Variants in PDHX observed in about 807,000 individuals in gnomAD.
The protein encoded by PDHX is pyruvate dehydrogenase complex component X.
Under a neutral mutation model 55.3 loss-of-function variants are expected in PDHX, and 33 were observed. The ratio of observed to expected loss-of-function variants is 0.60; its 90% CI spans 0.45 to 0.80. The LOEUF is 0.80. PDHX is among the 30% of genes least tolerant of loss of function. The pLI is 0.00. For missense variants in PDHX, 622 were observed against 619.9 expected (o/e 1.00, Z -0.04); for synonymous variants, 226 against 219.4 (o/e 1.03, Z -0.27).
chr11:34,918,629 A>G (rs971422587), intron 1 of PDHX, among the ~76,000 whole-genome samples: 2 of 152,156 alleles, frequency 1.3e-5, no homozygotes, highest in Non-Finnish European at 2.9e-5. Context: ...CATCTCAAGG[A>G]AAGCCAAATT....
chr11:34,969,280 G>T (rs1855202285), intron 6 of PDHX, among the ~76,000 whole-genome samples: 1 of 152,000 alleles, frequency 6.6e-6, no homozygotes, highest in Non-Finnish European at 1.5e-5. Flanking sequence ...ATAAGTCAAA[G>T]GGCAACTATA....
At chr11:34,919,125 G>A (rs1013114814) in intron 1 of PDHX, among the ~76,000 whole-genome samples, 1 of 152,182 alleles carries the variant, frequency 6.6e-6, no homozygotes, top group African/African-American at 2.4e-5. Flanking sequence ...TGAAGCTGTG[G>A]AAAGTATTTG....
intron 3 of PDHX, among the ~76,000 whole-genome samples, chr11:34,952,626 G>T (rs1854801920): frequency 6.6e-6 from 1 of 151,866 alleles, no homozygotes; most frequent in African/African-American, 2.4e-5. Context: ...AAAGGCCTTT[G>T]ACAAAATTCA....
chr11:34,924,331 T>C (rs935026821), intron 1 of PDHX, among the ~76,000 whole-genome samples: 2 of 152,174 alleles, frequency 1.3e-5, no homozygotes, highest in African/African-American at 4.8e-5. Context: ...AACCTCTGCC[T>C]CCCGGTTTCA....
intron 7 of PDHX, among the ~76,000 whole-genome samples, chr11:34,973,113 G>A (rs1439184272): frequency 6.6e-6 from 1 of 152,034 alleles, no homozygotes; most frequent in Admixed American, 6.6e-5. Flanking sequence ...GTATCCTGAA[G>A]ATCTATTATT....
intron 9 of PDHX, among the ~76,000 whole-genome samples, chr11:34,987,340 C>T (rs571939220): frequency 6.6e-6 from 1 of 152,250 alleles, no homozygotes; most frequent in East Asian, 1.9e-4. Flanking sequence ...GCATAACAAC[C>T]TGATGAATAT....
intron 2 of PDHX, among the ~76,000 whole-genome samples, chr11:34,939,801 G>T (rs1854430223): frequency 6.6e-6 from 1 of 152,012 alleles, no homozygotes; most frequent in South Asian, 2.1e-4. Context: ...GACTATTAGA[G>T]TACTTCATTT....
At chr11:34,969,714 T>C (rs996722565) in intron 6 of PDHX, among the ~76,000 whole-genome samples, 9 of 152,050 alleles carry the variant, frequency 5.9e-5, no homozygotes, top group Non-Finnish European at 1.0e-4. Context: ...ATGTCTGTCT[T>C]CTCTCTCCTC....
chr11:34,922,824 T>C (rs2915200), intron 1 of PDHX, among the ~76,000 whole-genome samples: 90,027 of 151,330 alleles, frequency 0.59, 27,962 homozygotes, highest in East Asian at 0.74. Context: ...TGAGCTTAAT[T>C]TGCCTTTTAC....
chr11:34,974,049 C>T (rs1419479127), intron 7 of PDHX, among the ~76,000 whole-genome samples: 1 of 152,076 alleles, frequency 6.6e-6, no homozygotes, highest in Non-Finnish European at 1.5e-5. Context: ...TGAGTCTTAC[C>T]ATTTTCCGTG....
intron 4 of PDHX, 111 bp from the exon 5 acceptor site, chr11:34,960,309 C>A: frequency 1.4e-6 from 1 of 727,792 alleles, no homozygotes; most frequent in South Asian, 1.6e-5. Flanking sequence ...GTCATTTTAG[C>A]TTTATTATAA....
chr11:34,929,781 CTTTGG>C (rs943152989), intron 1 of PDHX, among the ~76,000 whole-genome samples: 6 of 152,136 alleles, frequency 3.9e-5, no homozygotes, highest in Non-Finnish European at 8.8e-5. Context: ...TTGACTTGGA[CTTTGG>C]TTTGGGCTGT....
chr11:34,921,257 T>G (rs1225303696), intron 1 of PDHX, among the ~76,000 whole-genome samples: 1 of 152,220 alleles, frequency 6.6e-6, no homozygotes, highest in Non-Finnish European at 1.5e-5. Context: ...GTCTTCTTTC[T>G]CTTATTTACT....
rs374372444 is a variant in PDHX at position 34,979,916 on chromosome 11, A to G, written c.1023+1734A>G. On this transcript the variant is annotated intron_variant, in intron 8 of 10. Transcript: ENST00000227868. ...TTTTCTTTCCTCTGTACACATTTCA[A>G]TATTATAAATTTTTTTATATTTTCT... Among the ~76,000 whole-genome samples the G allele has an allele frequency of 6.1e-4, 92 of 151,742 alleles. No individual in the cohort carries two copies. In the South Asian group the frequency reaches 0.018, roughly 30 times the overall value.
rs767871945 is a variant in PDHX at position 34,992,312 on chromosome 11, C to T, written c.1183-3C>T. ...TGTCCTATTCTGTTTGTATTTTTCTCAGGCTCTATCAAAGAAAGCAAGAGA... is the reference window on the plus strand; with the variant it reads ...TGTCCTATTCTGTTTGTATTTTTCTTAGGCTCTATCAAAGAAAGCAAGAGA... On this transcript the variant is annotated splice_region_variant and splice_polypyrimidine_tract_variant and intron_variant, in intron 9 of 10. Transcript: ENST00000227868. The T allele has an allele frequency of 1.9e-6, 3 of 1,578,652 alleles. No individual in the cohort carries two copies. The highest frequency in any genetic ancestry group is 2.7e-5 in the African/African-American group (2 of 74,346).
chr11:34,960,769 TG>T (rs1228638000), intron 5 of PDHX, among the ~76,000 whole-genome samples: 5 of 152,310 alleles, frequency 3.3e-5, no homozygotes, highest in African/African-American at 1.2e-4. Context: ...TGGTAATAAA[TG>T]CAGAAAATTA....
At chr11:34,961,337 A>G (rs1373901010) in intron 5 of PDHX, among the ~76,000 whole-genome samples, 1 of 152,160 alleles carries the variant, frequency 6.6e-6, no homozygotes, top group African/African-American at 2.4e-5. Context: ...TTCTGTTGAA[A>G]CTTAGTCTAG....
chr11:34,934,601 A>G (rs1019929522), intron 2 of PDHX, among the ~76,000 whole-genome samples: 8 of 113,756 alleles, frequency 7.0e-5, no homozygotes, highest in African/African-American at 2.4e-4. Context: ...TTTTTGAGAC[A>G]TGGTCTCACT....
chr11:34,979,777 GATA>G (rs1353660159), intron 8 of PDHX, among the ~76,000 whole-genome samples: 1 of 151,970 alleles, frequency 6.6e-6, no homozygotes, highest in African/African-American at 2.4e-5. Flanking sequence ...TATTTCATTG[GATA>G]ATGTTTGTAT....
Sources: gnomAD v4.1 joint callset for allele counts (sites outside exome capture counted in the v4.1 genomes callset) on GRCh38, gnomAD v4.1.1 for gene constraint, MANE v1.5 for transcripts, NCBI Gene and HGNC (gene_info 2026-07-23, HGNC 2026-07-21) for gene names.